PARP10: variants seen among roughly 807,000 people sequenced by gnomAD.
PARP10 encodes poly(ADP-ribose) polymerase family member 10.
Under a neutral mutation model 82.4 loss-of-function variants are expected in PARP10, and 56 were observed. That is an observed-to-expected ratio of 0.68 (90% CI 0.55 to 0.85). PARP10 has a LOEUF of 0.85. Ranked by LOEUF, PARP10 falls within the 40% of genes least tolerant of loss-of-function variation. The pLI is 0.00. For synonymous variants in PARP10, 576 were observed against 601.1 expected, an observed-to-expected ratio of 0.96 and a Z score of 0.61; for missense variants, 1,227 against 1,379.4, an observed-to-expected ratio of 0.89 and a Z score of 1.75.
Position 144,011,395 on chromosome 8 carries a change from A to G in PARP10, c.-80+1135T>C, listed in dbSNP as rs1214730575. Among the ~76,000 whole-genome samples, 1 of 152,132 alleles carries G rather than the reference A, an allele frequency of 6.6e-6. No homozygotes were observed. Among genetic ancestry groups the G allele is most frequent in the Non-Finnish European group, 1.5e-5 (1 of 68,016 alleles). ...AGGCCCCCCATTGTGAGGTCCAGGC[A>G]GAATGCTCAACTCACAGCGATCCCA... On this transcript the variant is annotated intron_variant, in intron 1 of 3. Transcript: ENST00000530478. This position sits in a 1 kb window ranked among gnomAD's most constrained non-coding sequence, Gnocchi z 4.5.
rs916879270 is a variant in PARP10, at chr8:143,986,250, G to A, written c.3-17C>T. ...ATTGCAACCCTGGGACGGGGCATCAGGTGGGTAGGGAAACAGCCCATTCCA... is the reference window on the plus strand; with the variant it reads ...ATTGCAACCCTGGGACGGGGCATCAAGTGGGTAGGGAAACAGCCCATTCCA... On this transcript the variant is annotated splice_polypyrimidine_tract_variant and intron_variant, in intron 1 of 10. Transcript: ENST00000313028. 4.3e-6 allele frequency: 7 copies of A among 1,613,676 alleles called. No homozygotes were observed. In the African/African-American group the frequency reaches 9.3e-5, roughly 22 times the overall value.
At position 143,986,207 on chromosome 8, in the gene PARP10, C is replaced by CCTGCCT; in HGVS notation, c.23_28dup (p.Glu8_Ala9dup). 6.2e-7 allele frequency: 1 copy of CCTGCCT among 1,614,022 alleles called. No individual in the cohort carries two copies. The highest frequency in any genetic ancestry group is 8.5e-7 in the Non-Finnish European group (1 of 1,179,954). ...CAGTCCACGGACCTCCACTGCCACC[C>CCTGCCT]CTGCCTCTGCCTCCGCCATTGCAAC... On this transcript the variant is annotated inframe_insertion, in exon 2 of 11. Coordinates refer to ENST00000313028, the MANE Select transcript of PARP10 (RefSeq NM_032789.5).
chr8:143,985,583 G>A lies in PARP10; in HGVS notation c.502C>T (p.Arg168Trp), dbSNP rs782301751. The stretch of plus-strand genomic sequence containing the variant: ...CGCACCGCTCGGGCCTGGGGAACCC[G>A]GGCCAGGGACACCAAGGTCCCCTCC... ...GLEGTLVSLARVPQARAVRVV... is the reference protein window; with the variant it reads ...GLEGTLVSLAWVPQARAVRVV... The change falls in exon 4 of 11, where the codon CGG becomes TGG. Residue 168 changes from arginine to tryptophan, a missense_variant. Arg to Trp is a moderately radical substitution (Grantham distance 101, BLOSUM62 -3). Coordinates refer to ENST00000313028, the MANE Select transcript of PARP10 (RefSeq NM_032789.5). The A allele has an allele frequency of 2.2e-5, 35 of 1,613,882 alleles. No individual in the cohort carries two copies. The highest frequency in any genetic ancestry group is 6.7e-5 in the Admixed American group (4 of 60,000).
chr8:143,993,499 G>A (rs569871944), upstream of PARP10: 18 of 156,784 alleles, frequency 1.1e-4, no homozygotes, highest in Admixed American at 3.0e-4. Flanking sequence ...GGAGACACAG[G>A]ACCAGAAATG....
upstream of PARP10, among the ~76,000 whole-genome samples, chr8:143,994,070 C>A (rs556992085): frequency 2.0e-5 from 3 of 152,344 alleles, 1 homozygote; most frequent in Admixed American, 2.0e-4. Context: ...CTGCTGAGCT[C>A]TCACACCCCG....
chr8:143,986,283 TGCCCCTCCCCAG>T (rs781986992), intron 1 of PARP10, 50 bp from the exon 2 acceptor site: 7 of 1,613,370 alleles, frequency 4.3e-6, no homozygotes, highest in Non-Finnish European at 5.9e-6. Context: ...CCACCCCTCC[TGCCCCTCCCCAG>T]GCCCCTCCAA....
At position 143,977,712 on chromosome 8, in the gene PARP10, A is replaced by AGTCAGCACCCGTGCCACG; in HGVS notation, c.2832_2849dup (p.Val945_Thr950dup). ...CGCGGCGGCCCTGCCCGTAGTCGCC[A>AGTCAGCACCCGTGCCACG]GTCAGCACCCGTGCCACGAACACCG... is the stretch of plus-strand genomic sequence containing the variant. On this transcript the variant is annotated inframe_insertion, in exon 11 of 11. Transcript: ENST00000313028. 1 of 1,596,070 alleles carries AGTCAGCACCCGTGCCACG rather than the reference A, an allele frequency of 6.3e-7. No homozygotes were observed. The highest frequency in any genetic ancestry group is 2.3e-5 in the East Asian group (1 of 43,594).
rs148600336 is a variant in PARP10, at chr8:143,984,231, C to T, written c.1659G>A (p.Thr553=). 4.0e-5 allele frequency: 64 copies of T among 1,613,892 alleles called. 1 individual carries two copies. Among genetic ancestry groups the T allele is most frequent in the African/African-American group, 3.9e-4 (29 of 75,040 alleles). Residue 553 remains threonine, a synonymous_variant, in exon 6 of 11, where the codon ACG becomes ACA. Coordinates refer to ENST00000313028, the MANE Select transcript of PARP10 (RefSeq NM_032789.5). The part of the protein sequence containing the change: ...VFGTERLATA[T]LDTGLEEVDP... ...CTACCTCTTCAAGGCCTGTGTCCAA[C>T]GTGGCTGTGGCCAGGCGCTCTGTCC... is the stretch of plus-strand genomic sequence containing the variant.
In PARP10 at chr8:144,011,910, C is replaced by A. The variant is rs1180587341; in HGVS notation, c.-80+620G>T. Among the ~76,000 whole-genome samples the A allele has an allele frequency of 6.6e-6, 1 of 152,174 alleles. No homozygotes were observed. Among genetic ancestry groups the A allele is most frequent in the Non-Finnish European group, 1.5e-5 (1 of 68,038 alleles). Reference sequence around the variant, plus strand: ...GAGTGTCCAGGCCTTCAAGACACAGCAACCAGGAGAAGGCTGAGAGGCCAA... The same window carrying A: ...GAGTGTCCAGGCCTTCAAGACACAGAAACCAGGAGAAGGCTGAGAGGCCAA... On this transcript the variant is annotated intron_variant, in intron 1 of 3. Transcript: ENST00000530478. This position sits in a 1 kb window ranked among gnomAD's most constrained non-coding sequence, Gnocchi z 4.5.
chr8:143,991,267 C>T (rs201599828), upstream of PARP10: 62 of 1,552,524 alleles, frequency 4.0e-5, no homozygotes, highest in Non-Finnish European at 3.2e-5. Flanking sequence ...GACAACTATC[C>T]TCCCCCCAAC....
At chr8:143,991,696 C>G, upstream of PARP10, 1 of 1,611,522 alleles carries the variant, frequency 6.2e-7, no homozygotes, top group Admixed American at 1.7e-5. Flanking sequence ...TCTCAGCACC[C>G]CAGCATGGAA....
chr8:144,002,077 T>C (rs1387810164), intron 1 of PARP10, among the ~76,000 whole-genome samples: 1 of 152,100 alleles, frequency 6.6e-6, no homozygotes, highest in Non-Finnish European at 1.5e-5. Flanking sequence ...GAAGCAAGAT[T>C]CACAAAATGC....
Position 144,005,035 on chromosome 8 carries a change from C to T in PARP10, c.-80+7495G>A, listed in dbSNP as rs193271052. On this transcript the variant is annotated intron_variant, in intron 1 of 3. Coordinates refer to the PARP10 transcript ENST00000530478. ...CTCTTTTAAAAATACAAACATTAGC[C>T]AGGCGTGGTGGTGGGCGCCTGTAAT... Among the ~76,000 whole-genome samples the T allele has an allele frequency of 3.9e-5, 6 of 152,106 alleles. No homozygotes were observed. The East Asian group carries it at 9.7e-4, about 24-fold the overall frequency.
At chr8:143,994,834 T>G (rs142526701), upstream of PARP10, among the ~76,000 whole-genome samples, 139 of 152,258 alleles carry the variant, frequency 9.1e-4, 3 homozygotes, top group East Asian at 0.025. Context: ...GGTGCCCGCC[T>G]GTGCTCCAGC....
At chr8:143,998,142 TAATA>T (rs1223009304) in intron 1 of PARP10, among the ~76,000 whole-genome samples, 2 of 152,046 alleles carry the variant, frequency 1.3e-5, no homozygotes, top group Non-Finnish European at 2.9e-5. Context: ...AGCAGGAATG[TAATA>T]AATAAATGTA....
chr8:143,984,595 C>T lies in PARP10; in HGVS notation c.1407G>A (p.Leu469=). ...QLYHEDLLAG[L]GDVALLPLEG... Reference sequence around the variant, plus strand: ...CAAGTGGCAAGAGAGCGACGTCTCCCAGGCCCGCAAGAAGGTCCTCATGGT... The same window carrying T: ...CAAGTGGCAAGAGAGCGACGTCTCCTAGGCCCGCAAGAAGGTCCTCATGGT... The change falls in exon 5 of 11, where the codon CTG becomes CTA. Residue 469 remains leucine, a synonymous_variant. Coordinates refer to ENST00000313028, the MANE Select transcript of PARP10 (RefSeq NM_032789.5). 6.2e-7 allele frequency: 1 copy of T among 1,613,842 alleles called. No homozygotes were observed. The highest frequency in any genetic ancestry group is 1.1e-5 in the South Asian group (1 of 91,074).
chr8:143,991,482 G>A, upstream of PARP10: 1 of 1,520,484 alleles, frequency 6.6e-7, no homozygotes, highest in Non-Finnish European at 8.8e-7. Flanking sequence ...CTACCCACAA[G>A]AGGGCTACCC....
chr8:143,983,739 A>C lies in PARP10; in HGVS notation c.1850T>G (p.Leu617Arg). 1 of 1,612,128 alleles carries C rather than the reference A, an allele frequency of 6.2e-7. No homozygotes were observed. The highest frequency in any genetic ancestry group is 8.5e-7 in the Non-Finnish European group (1 of 1,179,268). The change falls in exon 8 of 11, where the codon CTG becomes CGG. Residue 617 changes from leucine (L) to arginine (R), a missense_variant. Leu to Arg is a moderately radical substitution (Grantham distance 102, BLOSUM62 -2). Coordinates refer to ENST00000313028, the MANE Select transcript of PARP10 (RefSeq NM_032789.5). The stretch of plus-strand genomic sequence containing the variant: ...CTGCTCCTGAGGCCCTTCCTCCTCC[A>C]GCTCCCGAGGCAGCCAGTCCTCCCC... Reference protein sequence around the residue: ...LDGEDWLPRELEEEGPQEQPE... With the variant: ...LDGEDWLPREREEEGPQEQPE...
intron 1 of PARP10, among the ~76,000 whole-genome samples, chr8:143,999,523 T>G (rs1387101865): frequency 6.6e-6 from 1 of 152,074 alleles, no homozygotes; most frequent in Non-Finnish European, 1.5e-5. Flanking sequence ...ATTTTTATTT[T>G]TATTTTTTGA....
Sources: allele counts gnomAD v4.1 joint callset (sites outside exome capture counted in the v4.1 genomes callset), GRCh38; gene constraint gnomAD v4.1.1; non-coding constraint Gnocchi (gnomAD v3.1); transcripts MANE v1.5; gene names NCBI Gene and HGNC (gene_info 2026-07-23, HGNC 2026-07-21).